The following GRID2 variants were observed in gnomAD, a reference collection of about 807,000 sequenced individuals.
GRID2 encodes the protein glutamate receptor ionotropic, delta-2.
In GRID2, 33 loss-of-function variants were observed where a neutral mutation model predicts 114.8. The ratio of observed to expected loss-of-function variants is 0.29; its 90% CI spans 0.22 to 0.38. The LOEUF (loss-of-function observed/expected upper bound fraction) is 0.38. Ranked by LOEUF, GRID2 falls within the 10% of genes least tolerant of loss-of-function variation. GRID2 has a pLI of 1.00. For missense variants in GRID2, 1,184 were observed against 1,257.7 expected, an observed-to-expected ratio of 0.94 and a Z score of 0.89; for synonymous variants, 505 against 449.9, an observed-to-expected ratio of 1.12 and a Z score of -1.55.
intron 2 of GRID2, among the ~76,000 whole-genome samples, chr4:92,987,570 G>T (rs1439401233): frequency 6.6e-6 from 1 of 151,422 alleles, no homozygotes; most frequent in Non-Finnish European, 1.5e-5. Flanking sequence ...TTGTGCACAT[G>T]TACCCTAAAA....
At position 93,612,006 on chromosome 4, in the gene GRID2, G is replaced by C. The variant is rs1164270573; in HGVS notation, c.2194-14263G>C. The stretch of plus-strand genomic sequence containing the variant: ...TTATGAATCTGGGTGCTCCTGTATT[G>C]GGTGCATAAATATTTAGGATAGTTA... On this transcript the variant is annotated intron_variant, in intron 13 of 15. Transcript: ENST00000282020. Among the ~76,000 whole-genome samples, 506 of 150,936 alleles carry C rather than the reference G, an allele frequency of 3.4e-3. 5 individuals carry two copies. The highest frequency in any genetic ancestry group is 0.011 in the African/African-American group (458 of 41,048).
At chr4:93,399,702 A>G (rs1258807900) in intron 9 of GRID2, among the ~76,000 whole-genome samples, 1 of 152,046 alleles carries the variant, frequency 6.6e-6, no homozygotes, top group African/African-American at 2.4e-5. Flanking sequence ...GCCAATACCA[A>G]AATCAGGCTA....
chr4:92,467,002 T>G (rs1384308173), intron 1 of GRID2, among the ~76,000 whole-genome samples: 2 of 151,822 alleles, frequency 1.3e-5, no homozygotes, highest in African/African-American at 4.8e-5. Context: ...TCAATGATAA[T>G]TCTTCAAATA....
At chr4:92,823,843 A>G (rs1456111567) in intron 2 of GRID2, among the ~76,000 whole-genome samples, 3 of 152,146 alleles carry the variant, frequency 2.0e-5, no homozygotes, top group Non-Finnish European at 2.9e-5. Context: ...AGGAGTGTGC[A>G]TTGTCCACCC....
At chr4:92,651,130 T>G (rs903214096) in intron 2 of GRID2, among the ~76,000 whole-genome samples, 13 of 152,100 alleles carry the variant, frequency 8.5e-5, no homozygotes, top group Non-Finnish European at 1.9e-4. Context: ...GATGGTAGTT[T>G]TGGCAGAAAC....
intron 2 of GRID2, among the ~76,000 whole-genome samples, chr4:92,990,247 T>A (rs1035335835): frequency 1.4e-4 from 14 of 100,724 alleles, no homozygotes; most frequent in Non-Finnish European, 2.3e-4. Flanking sequence ...TGTGTGTGTG[T>A]GTGATATATG....
intron 14 of GRID2, among the ~76,000 whole-genome samples, chr4:93,722,420 A>G (rs1032772505): frequency 6.6e-6 from 1 of 152,168 alleles, no homozygotes; most frequent in Non-Finnish European, 1.5e-5. Context: ...TCAGAAACAT[A>G]TTCTATGTTA....
intron 4 of GRID2, among the ~76,000 whole-genome samples, chr4:93,202,852 C>G (rs1742253746): frequency 6.6e-6 from 1 of 151,992 alleles, no homozygotes; most frequent in Non-Finnish European, 1.5e-5. Context: ...ACTGCTTTTT[C>G]TCCTTTATTT....
exon 2 of GRID2, chr4:93,807,321 C>A (rs1337278086): frequency 6.6e-6 from 1 of 152,214 alleles, no homozygotes; most frequent in Non-Finnish European, 1.5e-5. Flanking sequence ...AATGGCAGAA[C>A]TTAACCAGAA....
chr4:93,559,900 T>TA, intron 13 of GRID2, among the ~76,000 whole-genome samples: 2 of 151,860 alleles, frequency 1.3e-5, no homozygotes, highest in Admixed American at 6.6e-5. Flanking sequence ...AATGCAGCCA[T>TA]AAAAAAGGAT....
chr4:93,543,082 C>G (rs147086339), intron 13 of GRID2, among the ~76,000 whole-genome samples: 2 of 152,234 alleles, frequency 1.3e-5, no homozygotes, highest in African/African-American at 4.8e-5. Flanking sequence ...CGCACTGCAT[C>G]CCTTCCCCAA....
intron 1 of GRID2, among the ~76,000 whole-genome samples, chr4:92,535,946 A>G (rs1252600423): frequency 2.0e-5 from 3 of 152,104 alleles, no homozygotes; most frequent in African/African-American, 7.2e-5. Flanking sequence ...TCATGGTCTC[A>G]CTGGCTTCAG....
chr4:93,135,473 C>T (rs773519150), intron 4 of GRID2, among the ~76,000 whole-genome samples: 1 of 152,134 alleles, frequency 6.6e-6, no homozygotes, highest in Non-Finnish European at 1.5e-5. Flanking sequence ...AATACTTTTT[C>T]ACTTTTTAAA....
intron 2 of GRID2, among the ~76,000 whole-genome samples, chr4:92,816,047 G>T (rs1190092907): frequency 6.6e-6 from 1 of 151,000 alleles, no homozygotes; most frequent in Non-Finnish European, 1.5e-5. Context: ...CAAGCATGGT[G>T]GCTCATGCCT....
At chr4:93,470,262 C>G (rs1426000149) in intron 11 of GRID2, among the ~76,000 whole-genome samples, 1 of 152,094 alleles carries the variant, frequency 6.6e-6, no homozygotes, top group Non-Finnish European at 1.5e-5. Flanking sequence ...AAATTATATA[C>G]AGTACATATT....
At chr4:93,539,261 T>C (rs1216979406) in intron 13 of GRID2, among the ~76,000 whole-genome samples, 2 of 152,012 alleles carry the variant, frequency 1.3e-5, no homozygotes, top group African/African-American at 2.4e-5. Context: ...CAATATATTG[T>C]ATATTTCTAT....
intron 1 of GRID2, among the ~76,000 whole-genome samples, chr4:92,475,411 C>T (rs1275626177): frequency 6.6e-6 from 1 of 151,258 alleles, no homozygotes; most frequent in Non-Finnish European, 1.5e-5. Flanking sequence ...TTCCTAGAAT[C>T]ATTTATTGAA....
chr4:92,770,193 C>T lies in GRID2; in HGVS notation c.244+179907C>T, dbSNP rs574636024. 3.9e-5 allele frequency among the ~76,000 whole-genome samples: 6 copies of T among 152,298 alleles called. No individual in the cohort carries two copies. In the East Asian group the frequency reaches 1.2e-3, roughly 29 times the overall value. On this transcript the variant is annotated intron_variant, in intron 2 of 15. Transcript: ENST00000282020. The stretch of plus-strand genomic sequence containing the variant: ...AATCTCTAAGGCAGGGGCAAAATGC[C>T]ACCAGTCTCTTTGCTAAAACATAAA...
chr4:93,169,768 T>C (rs1425060539), intron 4 of GRID2, among the ~76,000 whole-genome samples: 1 of 152,162 alleles, frequency 6.6e-6, no homozygotes, highest in African/African-American at 2.4e-5. Flanking sequence ...CAAACATGAC[T>C]TAAGGGTGAA....
Sources: allele counts gnomAD v4.1 joint callset (sites outside exome capture counted in the v4.1 genomes callset), GRCh38; gene constraint gnomAD v4.1.1; transcripts MANE v1.5; gene names NCBI Gene and HGNC (gene_info 2026-07-23, HGNC 2026-07-21).